ACTR2: variants seen among roughly 807,000 people sequenced by gnomAD.
The protein encoded by ACTR2 is actin-related protein 2.
In ACTR2, 5 loss-of-function variants were observed where a neutral mutation model predicts 50.2. The ratio of observed to expected loss-of-function variants is 0.10; its 90% confidence interval spans 0.05 to 0.21. The LOEUF is 0.21. Among genes scored for constraint, ACTR2 ranks in the 10% least tolerant of loss-of-function variants. ACTR2 has a pLI of 1.00. For missense variants in ACTR2, 180 were observed against 480.6 expected, an observed-to-expected ratio of 0.37 and a Z score of 5.85; for synonymous variants, 140 against 162.9, an observed-to-expected ratio of 0.86 and a Z score of 1.07.
chr2:65,265,052 C>T lies in ACTR2; in HGVS notation c.891C>T (p.Phe297=), dbSNP rs1363832614. Residue 297 remains phenylalanine, a synonymous_variant, in exon 8 of 9, where the codon TTC becomes TTT. Coordinates refer to ENST00000260641, the MANE Select transcript of ACTR2 (RefSeq NM_005722.4). ...CATTGTGCCTTTCTAGATCTGAATT[C>T]TACAAACACATTGTGCTTTCTGGAG... is the stretch of plus-strand genomic sequence containing the variant. ...QAADIDTRSE[F]YKHIVLSGGS... 3 of 1,614,170 alleles carry T rather than the reference C, an allele frequency of 1.9e-6. No individual in the cohort carries two copies. The highest frequency in any genetic ancestry group is 2.5e-6 in the Non-Finnish European group (3 of 1,180,016).
intron 6 of ACTR2, among the ~76,000 whole-genome samples, chr2:65,257,844 G>C (rs268868): frequency 0.85 from 129,771 of 152,234 alleles, 55,449 homozygotes; most frequent in Middle Eastern, 0.89. Flanking sequence ...GGTTATTAAG[G>C]CTTTGTCAGA....
intron 7 of ACTR2, among the ~76,000 whole-genome samples, chr2:65,264,444 T>C (rs1458985824): frequency 6.6e-6 from 1 of 152,230 alleles, no homozygotes; most frequent in East Asian, 1.9e-4. Flanking sequence ...TCAGATTCTG[T>C]TACTTTTACT....
intron 4 of ACTR2, among the ~76,000 whole-genome samples, chr2:65,253,518 G>A (rs1285060861): frequency 6.8e-6 from 1 of 147,438 alleles, no homozygotes; most frequent in Non-Finnish European, 1.5e-5. Flanking sequence ...CATCTCCTTG[G>A]ACAGCACATA....
rs955549937 is a variant in ACTR2, at chr2:65,239,731, A to T, written c.49-121A>T. On this transcript the variant is annotated intron_variant, in intron 1 of 8. Transcript: ENST00000260641. ...TAGATTGAGTGGCTACTTCGGGTGGACTGAAAGCACCAAAAGTTTAAAATG... is the reference window on the plus strand; with the variant it reads ...TAGATTGAGTGGCTACTTCGGGTGGTCTGAAAGCACCAAAAGTTTAAAATG... The T allele has an allele frequency of 1.9e-5, 13 of 681,608 alleles. No homozygotes were observed. In the African/African-American group the frequency reaches 2.4e-4, roughly 12 times the overall value. The allele number at this position is 681,608 out of a possible 1,614,324, so 42.2% of individuals were successfully genotyped here.
At chr2:65,257,972 C>T (rs1193076846) in intron 6 of ACTR2, among the ~76,000 whole-genome samples, 1 of 152,142 alleles carries the variant, frequency 6.6e-6, no homozygotes, top group Non-Finnish European at 1.5e-5. Flanking sequence ...TCAATTTTGG[C>T]TTTTGTTGCA....
chr2:65,231,354 G>C (rs1671634865), intron 1 of ACTR2, among the ~76,000 whole-genome samples: 1 of 152,086 alleles, frequency 6.6e-6, no homozygotes, highest in African/African-American at 2.4e-5. Context: ...CGCTTAGATT[G>C]TGTATTCTGT....
intron 7 of ACTR2, among the ~76,000 whole-genome samples, chr2:65,263,001 A>AC (rs1208499635): frequency 6.7e-6 from 1 of 149,788 alleles, no homozygotes; most frequent in Admixed American, 6.6e-5. Context: ...CTAAAAAAAA[A>AC]ACATATATAT....
chr2:65,264,891 A>G, intron 7 of ACTR2, 152 bp from the exon 8 acceptor site: 1 of 808,978 alleles, frequency 1.2e-6, no homozygotes, highest in Middle Eastern at 3.8e-4. Flanking sequence ...ACTTCACAGT[A>G]GTAATAACAG....
intron 7 of ACTR2, among the ~76,000 whole-genome samples, chr2:65,261,681 T>C (rs1173567530): frequency 5.9e-5 from 9 of 152,234 alleles, no homozygotes; most frequent in Admixed American, 5.9e-4. Context: ...TCTTTACTAG[T>C]TGGTGTTTCC....
rs1457328776 is a variant in ACTR2 at position 65,241,853 on chromosome 2, C to T, written c.159+1891C>T. The T allele has an allele frequency of 1.4e-5, 7 of 510,748 alleles. No homozygotes were observed. In the Admixed American group the frequency reaches 1.4e-4, roughly 10 times the overall value. The allele number at this position is 510,748 out of a possible 1,614,324, so 31.6% of individuals were successfully genotyped here. A position where few individuals can be genotyped will look rare whatever the true frequency, so the allele number is the denominator to read the frequency against. ...TTAAATCGTTTAATGAGTTAATTTG[C>T]ATTCAGGAATAACTGTCCATGTTAA... On this transcript the variant is annotated intron_variant, in intron 2 of 8. Coordinates refer to ENST00000260641, the MANE Select transcript of ACTR2 (RefSeq NM_005722.4).
chr2:65,267,006 C>G (rs1672384525), intron 8 of ACTR2, among the ~76,000 whole-genome samples: 1 of 152,014 alleles, frequency 6.6e-6, no homozygotes, highest in South Asian at 2.1e-4. Flanking sequence ...ATAGAAGCAG[C>G]AATGAAGAGC....
intron 3 of ACTR2, 134 bp from the exon 4 acceptor site, chr2:65,250,893 G>A: frequency 1.9e-6 from 1 of 513,074 alleles, no homozygotes; most frequent in Non-Finnish European, 3.4e-6. Flanking sequence ...AGGAGCTGAT[G>A]AAAATGGAAG....
chr2:65,228,085 TCC>T, intron 1 of ACTR2, 128 bp downstream of exon 1: 1 of 840,250 alleles, frequency 1.2e-6, no homozygotes, highest in Non-Finnish European at 1.7e-6. Flanking sequence ...GGGCGGTGCC[TCC>T]CACCTCCGCG....
intron 1 of ACTR2, among the ~76,000 whole-genome samples, chr2:65,238,802 T>C (rs1671787730): frequency 6.6e-6 from 1 of 151,072 alleles, no homozygotes; most frequent in Non-Finnish European, 1.5e-5. Context: ...ACCCTGTCTC[T>C]ACTAAAAATG....
intron 8 of ACTR2, among the ~76,000 whole-genome samples, chr2:65,266,483 A>G (rs565529711): frequency 6.6e-6 from 1 of 152,120 alleles, no homozygotes; most frequent in Non-Finnish European, 1.5e-5. Flanking sequence ...TCAGAAGGGT[A>G]GCAGGAGGGC....
rs144888900 is a variant in ACTR2, at chr2:65,252,083, A to G, written c.448+984A>G. ...AAATGGGTCAAGTGTGTTTGGAGAA[A>G]GGCCAGTATGTGTGTGACCTGATGG... is the stretch of plus-strand genomic sequence containing the variant. On this transcript the variant is annotated intron_variant, in intron 4 of 8. Transcript: ENST00000260641. Among the ~76,000 whole-genome samples, 716 of 152,180 alleles carry G rather than the reference A, an allele frequency of 4.7e-3. 3 individuals carry two copies. The highest frequency in any genetic ancestry group is 0.016 in the African/African-American group (684 of 41,544).
At chr2:65,262,223 CT>C (rs1441397233) in intron 7 of ACTR2, among the ~76,000 whole-genome samples, 1 of 151,810 alleles carries the variant, frequency 6.6e-6, no homozygotes, top group East Asian at 1.9e-4. Flanking sequence ...TGTGCAGAAA[CT>C]TCTTTTGTTG....
chr2:65,230,697 C>A (rs1261004906), intron 1 of ACTR2, among the ~76,000 whole-genome samples: 1 of 152,022 alleles, frequency 6.6e-6, no homozygotes, highest in East Asian at 1.9e-4. Flanking sequence ...AGGCTTGAGC[C>A]ACTGCACCCT....
chr2:65,237,361 A>G (rs963853485), intron 1 of ACTR2, among the ~76,000 whole-genome samples: 4 of 152,120 alleles, frequency 2.6e-5, no homozygotes, highest in Non-Finnish European at 5.9e-5. Flanking sequence ...AGTCTCTGGA[A>G]TAGCTGGGAC....
Sources: allele counts gnomAD v4.1 joint callset (sites outside exome capture counted in the v4.1 genomes callset), GRCh38; gene constraint gnomAD v4.1.1; transcripts MANE v1.5; gene names NCBI Gene and HGNC (gene_info 2026-07-23, HGNC 2026-07-21).